The following ALK variants were observed in gnomAD, a reference collection of about 807,000 sequenced individuals.
ALK encodes the protein ALK tyrosine kinase receptor.
Under a neutral mutation model 163.1 loss-of-function variants are expected in ALK, and 74 were observed. The observed-to-expected ratio is 0.45, with a 90% CI of 0.38 to 0.55. ALK has a LOEUF of 0.55. Among genes scored for constraint, ALK ranks in the 20% least tolerant of loss-of-function variants. ALK has a pLI of 0.00. For synonymous variants in ALK, 960 were observed against 843.2 expected, an observed-to-expected ratio of 1.14 and a Z score of -2.40; for missense variants, 2,063 against 2,105.3, an observed-to-expected ratio of 0.98 and a Z score of 0.39.
Position 29,419,027 on chromosome 2 carries a change from AG to A in ALK, c.1155-35169del, listed in dbSNP as rs377322320. Among the ~76,000 whole-genome samples, 256 of 151,560 alleles carry A rather than the reference AG, an allele frequency of 1.7e-3. 7 individuals are homozygous for A. Among genetic ancestry groups the A allele is most frequent in the African/African-American group, 6.2e-3 (253 of 40,882 alleles). On this transcript the variant is annotated intron_variant, in intron 4 of 28. Coordinates refer to ENST00000389048, the MANE Select transcript of ALK (RefSeq NM_004304.5). ...CAATAATCCTATATTCTTGTGCGGA[AG>A]ACAAGGTATTTTATTTTATTTTTTA...
At chr2:29,262,945 T>G (rs1665125534) in intron 11 of ALK, among the ~76,000 whole-genome samples, 1 of 152,204 alleles carries the variant, frequency 6.6e-6, no homozygotes, top group African/African-American at 2.4e-5. Context: ...AACACTACCC[T>G]GAAAGCAGAG....
chr2:29,345,672 C>G (rs936907266), intron 5 of ALK, among the ~76,000 whole-genome samples: 1 of 152,002 alleles, frequency 6.6e-6, no homozygotes, highest in Non-Finnish European at 1.5e-5. Flanking sequence ...TCTAAAAAAA[C>G]TCATAGCAGA....
At chr2:29,675,727 G>T (rs1344494618) in intron 3 of ALK, among the ~76,000 whole-genome samples, 1 of 151,934 alleles carries the variant, frequency 6.6e-6, no homozygotes, top group Non-Finnish European at 1.5e-5. Context: ...AAAATAATGA[G>T]TATACCTTTC....
chr2:29,886,062 T>C (rs1666977840), intron 1 of ALK, among the ~76,000 whole-genome samples: 1 of 152,146 alleles, frequency 6.6e-6, no homozygotes, highest in Non-Finnish European at 1.5e-5. Flanking sequence ...CCTACTCAAC[T>C]TGAAGATAAT....
chr2:29,477,822 C>T (rs1298523875), intron 4 of ALK, among the ~76,000 whole-genome samples: 1 of 152,132 alleles, frequency 6.6e-6, no homozygotes, highest in Non-Finnish European at 1.5e-5. Context: ...CTGGCCAGCA[C>T]CAGGTGGCAA....
At chr2:29,568,734 A>C (rs1674266566) in intron 3 of ALK, among the ~76,000 whole-genome samples, 1 of 152,194 alleles carries the variant, frequency 6.6e-6, no homozygotes, top group Admixed American at 6.5e-5. Flanking sequence ...GGAAAGAACT[A>C]ACTGGAATCT....
intron 5 of ALK, among the ~76,000 whole-genome samples, chr2:29,346,076 T>G (rs1667940148): frequency 6.6e-6 from 1 of 152,200 alleles, no homozygotes; most frequent in South Asian, 2.1e-4. Flanking sequence ...AGGAAGTAAA[T>G]TTCTCTAAAA....
chr2:29,223,639 T>C (rs1317269580), intron 19 of ALK, 111 bp from the exon 20 acceptor site: 4 of 945,302 alleles, frequency 4.2e-6, no homozygotes, highest in African/African-American at 1.6e-5. Context: ...TCCCCTGAGC[T>C]CTGAACCTTT....
intron 3 of ALK, among the ~76,000 whole-genome samples, chr2:29,621,714 G>A (rs1446133901): frequency 6.6e-6 from 1 of 152,188 alleles, no homozygotes; most frequent in East Asian, 1.9e-4. Flanking sequence ...CACTACTGGA[G>A]ACTCTTTGGG....
At chr2:29,568,106 A>G (rs980397139) in intron 3 of ALK, among the ~76,000 whole-genome samples, 1 of 152,244 alleles carries the variant, frequency 6.6e-6, no homozygotes, top group Admixed American at 6.5e-5. Flanking sequence ...GACTGCAGAA[A>G]AGCAAAAACA....
At chr2:29,903,186 C>G (rs144313048) in intron 1 of ALK, among the ~76,000 whole-genome samples, 62 of 152,172 alleles carry the variant, frequency 4.1e-4, no homozygotes, top group African/African-American at 1.4e-3. Flanking sequence ...GTCCTGAACG[C>G]ATGGAAAGTC....
chr2:29,470,467 A>C (rs1189948805), intron 4 of ALK, among the ~76,000 whole-genome samples: 1 of 152,218 alleles, frequency 6.6e-6, no homozygotes, highest in African/African-American at 2.4e-5. Context: ...CAGAAAGGAA[A>C]TCTTTAAAAT....
At chr2:29,382,236 A>C (rs776567029) in intron 5 of ALK, among the ~76,000 whole-genome samples, 6 of 152,182 alleles carry the variant, frequency 3.9e-5, no homozygotes, top group Non-Finnish European at 5.9e-5. Context: ...ATTAGAAAAA[A>C]TTAGAGAGAT....
intron 1 of ALK, among the ~76,000 whole-genome samples, chr2:29,836,115 C>T (rs1258662157): frequency 2.0e-5 from 3 of 152,158 alleles, no homozygotes; most frequent in Non-Finnish European, 4.4e-5. Flanking sequence ...CTGCTTCCTG[C>T]ACTTCCTTAG....
chr2:29,676,263 G>A (rs1440395278), intron 3 of ALK, among the ~76,000 whole-genome samples: 2 of 151,862 alleles, frequency 1.3e-5, no homozygotes, highest in African/African-American at 2.4e-5. Context: ...ACCTAAAAAC[G>A]TTTTTCCCCA....
At chr2:29,688,255 C>T (rs1185298287) in intron 3 of ALK, among the ~76,000 whole-genome samples, 1 of 152,088 alleles carries the variant, frequency 6.6e-6, no homozygotes, top group Non-Finnish European at 1.5e-5. Flanking sequence ...GAACACTGCC[C>T]CAAAAATGCT....
At chr2:29,655,636 C>T (rs1677162777) in intron 3 of ALK, among the ~76,000 whole-genome samples, 1 of 152,166 alleles carries the variant, frequency 6.6e-6, no homozygotes, top group Non-Finnish European at 1.5e-5. Context: ...GATCTCTGGA[C>T]TCTAACACTC....
intron 4 of ALK, among the ~76,000 whole-genome samples, chr2:29,478,676 A>G (rs1433497227): frequency 1.3e-5 from 2 of 152,244 alleles, no homozygotes; most frequent in African/African-American, 2.4e-5. Flanking sequence ...GCCGATCTGT[A>G]TCAACGATGA....
chr2:29,731,814 T>C (rs999286255), intron 1 of ALK, among the ~76,000 whole-genome samples: 1 of 152,218 alleles, frequency 6.6e-6, no homozygotes, highest in African/African-American at 2.4e-5. Flanking sequence ...GAATGAACCA[T>C]GGGCTAATTG....
Sources: allele counts gnomAD v4.1 joint callset (sites outside exome capture counted in the v4.1 genomes callset), GRCh38; gene constraint gnomAD v4.1.1; transcripts MANE v1.5; gene names NCBI Gene and HGNC (gene_info 2026-07-23, HGNC 2026-07-21).